DCC: variants seen among roughly 807,000 people sequenced by gnomAD.
DCC encodes the protein DCC netrin 1 receptor, also known as netrin receptor DCC.
A neutral mutation model predicts 172.5 loss-of-function variants in DCC; 58 were observed. The ratio of observed to expected loss-of-function variants is 0.34; its 90% CI spans 0.27 to 0.42. The LOEUF (loss-of-function observed/expected upper bound fraction) is 0.42. Among genes scored for constraint, DCC ranks in the 10% least tolerant of loss-of-function variants. DCC has a pLI of 1.00. For synonymous variants in DCC, 709 were observed against 644.5 expected (o/e 1.10, Z -1.52); for missense variants, 1,740 against 1,791.0 (o/e 0.97, Z 0.51).
rs2055606636 is a variant in DCC, at chr18:53,205,251, G to C, written c.1609G>C (p.Val537Leu). Residue 537 changes from valine to leucine, a missense_variant, in exon 10 of 29, where the codon GTA becomes CTA. By Grantham distance (32) the Val-to-Leu change is conservative (BLOSUM62 1). Transcript: ENST00000442544. ...VPGPVENLQA[V>L]STSPTSILIT... ...AGGGCCAGTAGAAAACCTGCAAGCTGTATCTACCTCACCTACCTCAATTCT... is the reference window on the plus strand; with the variant it reads ...AGGGCCAGTAGAAAACCTGCAAGCTCTATCTACCTCACCTACCTCAATTCT... 6.2e-7 allele frequency: 1 copy of C among 1,613,232 alleles called. No individual in the cohort carries two copies. Among genetic ancestry groups the C allele is most frequent in the African/African-American group, 1.3e-5 (1 of 74,846 alleles).
chr18:53,181,119 C>A (rs981420930), intron 9 of DCC, among the ~76,000 whole-genome samples: 1 of 152,006 alleles, frequency 6.6e-6, no homozygotes, highest in Non-Finnish European at 1.5e-5. Flanking sequence ...TAAAGAAATC[C>A]TTGATAAATT....
At chr18:53,263,035 G>A (rs1002434873) in intron 12 of DCC, among the ~76,000 whole-genome samples, 7 of 152,138 alleles carry the variant, frequency 4.6e-5, no homozygotes, top group Non-Finnish European at 8.8e-5. Context: ...GGATTTGGGG[G>A]TATGGGGAAC....
At chr18:53,039,713 C>T (rs1265025274) in intron 5 of DCC, among the ~76,000 whole-genome samples, 7 of 151,916 alleles carry the variant, frequency 4.6e-5, no homozygotes, top group African/African-American at 1.7e-4. Context: ...CATTATGTCA[C>T]CTCTTTCTTG....
chr18:52,739,397 G>A (rs1183536673), intron 1 of DCC, among the ~76,000 whole-genome samples: 1 of 152,100 alleles, frequency 6.6e-6, no homozygotes, highest in Admixed American at 6.5e-5. Context: ...CTCTGAAATA[G>A]GCAAGGGTTC....
At position 52,975,934 on chromosome 18, in the gene DCC, G is replaced by A. The variant is rs192186482; in HGVS notation, c.985+50564G>A. Among the ~76,000 whole-genome samples the A allele has an allele frequency of 1.7e-3, 258 of 152,216 alleles. 1 individual carries two copies. Among genetic ancestry groups the A allele is most frequent in the African/African-American group, 5.6e-3 (232 of 41,546 alleles). Reference sequence around the variant, plus strand: ...TCTTGGGTCTTTAAGGAATCACCACGCTGTCCTTCACAATGGCTGAACTAA... The same window carrying A: ...TCTTGGGTCTTTAAGGAATCACCACACTGTCCTTCACAATGGCTGAACTAA... On this transcript the variant is annotated intron_variant, in intron 5 of 28. Transcript: ENST00000442544.
At chr18:53,066,832 C>T (rs1454586874) in intron 7 of DCC, among the ~76,000 whole-genome samples, 1 of 152,044 alleles carries the variant, frequency 6.6e-6, no homozygotes, top group Non-Finnish European at 1.5e-5. Flanking sequence ...AAGCATGATG[C>T]TGGCCATCTG....
intron 7 of DCC, among the ~76,000 whole-genome samples, chr18:53,121,758 T>G (rs1018571001): frequency 2.6e-5 from 4 of 151,932 alleles, no homozygotes; most frequent in Non-Finnish European, 4.4e-5. Flanking sequence ...TAATAATAAA[T>G]CTGTTTGGGG....
intron 8 of DCC, among the ~76,000 whole-genome samples, chr18:53,170,354 G>A (rs1042177555): frequency 1.5e-4 from 23 of 152,180 alleles, no homozygotes; most frequent in African/African-American, 5.5e-4. Flanking sequence ...TTCAATGTGT[G>A]TAGTTATGCT....
At chr18:52,855,738 G>A (rs979268052) in intron 2 of DCC, among the ~76,000 whole-genome samples, 1 of 150,042 alleles carries the variant, frequency 6.7e-6, no homozygotes, top group African/African-American at 2.4e-5. Flanking sequence ...GGTGACAGGT[G>A]ACTTAAAACA....
chr18:52,643,629 A>C lies in DCC; in HGVS notation c.92-108425A>C, dbSNP rs554774147. On this transcript the variant is annotated intron_variant, in intron 1 of 28. Coordinates refer to ENST00000442544, the MANE Select transcript of DCC (RefSeq NM_005215.4). Reference sequence around the variant, plus strand: ...TGATTGGTTATTTGGAGATAGAAGAAAATAGGATTGAAAGGACCAGTCTGT... The same window carrying C: ...TGATTGGTTATTTGGAGATAGAAGACAATAGGATTGAAAGGACCAGTCTGT... 1.1e-3 allele frequency among the ~76,000 whole-genome samples: 171 copies of C among 152,320 alleles called. 1 individual carries two copies. The highest frequency in any genetic ancestry group is 3.8e-3 in the African/African-American group (159 of 41,578).
At chr18:53,449,417 C>A (rs1295139521) in intron 22 of DCC, among the ~76,000 whole-genome samples, 3 of 152,194 alleles carry the variant, frequency 2.0e-5, no homozygotes, top group Non-Finnish European at 4.4e-5. Flanking sequence ...TACATATTTT[C>A]TGCCACGAGG....
chr18:52,397,696 G>A (rs1986283176), intron 1 of DCC, among the ~76,000 whole-genome samples: 1 of 151,954 alleles, frequency 6.6e-6, no homozygotes, highest in South Asian at 2.1e-4. Flanking sequence ...TTTCACACAG[G>A]GTGGCTGTCA....
At chr18:52,681,160 C>A (rs1339133579) in intron 1 of DCC, among the ~76,000 whole-genome samples, 1 of 152,046 alleles carries the variant, frequency 6.6e-6, no homozygotes, top group Non-Finnish European at 1.5e-5. Flanking sequence ...GAGAAGAATG[C>A]AGAAGTCTAG....
At chr18:52,518,738 A>G (rs1053498020) in intron 1 of DCC, among the ~76,000 whole-genome samples, 1 of 152,224 alleles carries the variant, frequency 6.6e-6, no homozygotes, top group Non-Finnish European at 1.5e-5. Flanking sequence ...TAATTATTAA[A>G]ACCATTCTTT....
chr18:53,523,996 G>C (rs2046428529), intron 27 of DCC, among the ~76,000 whole-genome samples: 1 of 151,990 alleles, frequency 6.6e-6, no homozygotes, highest in Admixed American at 6.6e-5. Context: ...TGTGAGGTGA[G>C]AGGATTGAGG....
rs73457796 is a variant in DCC, at chr18:52,752,265, C to T, written c.303C>T (p.Asn101=). ...CAAATGGGTCTCTGCTGATACAAAA[C>T]ATACTTCATTCCAGACACCACAAGC... ...QLSNGSLLIQ[N]ILHSRHHKPD... The change falls in exon 2 of 29, where the codon AAC becomes AAT. Residue 101 remains asparagine, a synonymous_variant. Coordinates refer to ENST00000442544, the MANE Select transcript of DCC (RefSeq NM_005215.4). 1.2e-3 allele frequency: 1,864 copies of T among 1,614,144 alleles called. 19 individuals are homozygous for T. The African/African-American group carries it at 0.022, about 19-fold the overall frequency.
At chr18:53,389,685 G>C (rs1440638810) in intron 16 of DCC, among the ~76,000 whole-genome samples, 2 of 152,190 alleles carry the variant, frequency 1.3e-5, no homozygotes, top group Non-Finnish European at 2.9e-5. Flanking sequence ...TCTGGACTGT[G>C]TAAGTCCATC....
intron 1 of DCC, among the ~76,000 whole-genome samples, chr18:52,501,761 T>C (rs967851060): frequency 5.9e-5 from 9 of 152,184 alleles, no homozygotes; most frequent in African/African-American, 2.2e-4. Context: ...ATATTTTTTC[T>C]AATTAGTTGT....
intron 7 of DCC, among the ~76,000 whole-genome samples, chr18:53,124,822 C>T (rs980172127): frequency 1.3e-5 from 2 of 151,770 alleles, no homozygotes; most frequent in African/African-American, 4.8e-5. Context: ...AAAAATTAGC[C>T]AGGTGTGTGT....
Sources: gnomAD v4.1 joint callset for allele counts (sites outside exome capture counted in the v4.1 genomes callset) on GRCh38, gnomAD v4.1.1 for gene constraint, MANE v1.5 for transcripts, NCBI Gene and HGNC (gene_info 2026-07-23, HGNC 2026-07-21) for gene names.